FTO: variants seen among roughly 807,000 people sequenced by gnomAD.
The protein encoded by FTO is FTO alpha-ketoglutarate dependent dioxygenase.
In FTO, 47 loss-of-function variants were observed where a neutral mutation model predicts 63.9. The ratio of observed to expected loss-of-function variants is 0.74; its 90% CI spans 0.58 to 0.94. The LOEUF is 0.94. FTO is among the 40% of genes least tolerant of loss of function. FTO has a pLI of 0.00. For synonymous variants in FTO, 207 were observed against 224.4 expected, an observed-to-expected ratio of 0.92 and a Z score of 0.69; for missense variants, 562 against 618.1, an observed-to-expected ratio of 0.91 and a Z score of 0.96.
chr16:53,879,750 C>A, intron 5 of FTO, 94 bp from the exon 6 acceptor site: 22 of 1,238,020 alleles, frequency 1.8e-5, no homozygotes, highest in Middle Eastern at 2.0e-4. Flanking sequence ...CAGGTGAATT[C>A]ACAGCCAGGG....
intron 1 of FTO, among the ~76,000 whole-genome samples, chr16:53,733,597 A>G (rs1019440818): frequency 6.6e-6 from 1 of 152,180 alleles, no homozygotes; most frequent in Non-Finnish European, 1.5e-5. Context: ...AACTCTGGGA[A>G]AAAGTTGTAG....
chr16:53,941,375 A>C (rs1014368361), intron 8 of FTO, among the ~76,000 whole-genome samples: 49 of 152,326 alleles, frequency 3.2e-4, no homozygotes, highest in Admixed American at 2.2e-3. Flanking sequence ...GTGAAACCAT[A>C]AGGTAATTTA....
chr16:54,065,796 G>A (rs1165531494), intron 8 of FTO, among the ~76,000 whole-genome samples: 2 of 152,152 alleles, frequency 1.3e-5, no homozygotes, highest in Non-Finnish European at 2.9e-5. Flanking sequence ...AGGGATCATG[G>A]CACTGTGCCC....
At chr16:54,094,786 A>T (rs2086475388) in intron 8 of FTO, among the ~76,000 whole-genome samples, 2 of 152,190 alleles carry the variant, frequency 1.3e-5, no homozygotes, top group Admixed American at 1.3e-4. Context: ...GCTTCATCAA[A>T]CGAATACTGT....
At chr16:53,838,675 G>A (rs61222151) in intron 3 of FTO, among the ~76,000 whole-genome samples, 78,768 of 151,728 alleles carry the variant, frequency 0.52, 21,836 homozygotes, top group East Asian at 0.89. Context: ...AAATAGGGCT[G>A]TTTTTAACAA....
intron 8 of FTO, among the ~76,000 whole-genome samples, chr16:53,965,177 G>A (rs1463715530): frequency 3.3e-5 from 5 of 152,108 alleles, no homozygotes; most frequent in African/African-American, 9.7e-5. Context: ...GGGTTCAAGC[G>A]ATTCTCCTGC....
intron 8 of FTO, among the ~76,000 whole-genome samples, chr16:54,100,123 A>G (rs1599366957): frequency 6.6e-6 from 1 of 152,178 alleles, no homozygotes; most frequent in South Asian, 2.1e-4. Context: ...TAGGAAACTC[A>G]GTTTCTAACA....
At chr16:53,856,747 C>T (rs904140564) in intron 4 of FTO, among the ~76,000 whole-genome samples, 12 of 148,368 alleles carry the variant, frequency 8.1e-5, no homozygotes, top group Non-Finnish European at 1.3e-4. Flanking sequence ...CAGACTCCAT[C>T]TCAAAAAAAA....
intron 8 of FTO, among the ~76,000 whole-genome samples, chr16:54,049,870 C>T (rs956567531): frequency 4.6e-5 from 7 of 152,210 alleles, no homozygotes; most frequent in African/African-American, 1.7e-4. Context: ...AGTAGTTTGG[C>T]TTTGCATTCT....
At chr16:54,035,970 G>A (rs2084932942) in intron 8 of FTO, among the ~76,000 whole-genome samples, 1 of 152,144 alleles carries the variant, frequency 6.6e-6, no homozygotes, top group East Asian at 1.9e-4. Context: ...AGCAAACACA[G>A]TTATCACATG....
In FTO at chr16:54,112,723, A is replaced by T. The variant is rs1567580051; in HGVS notation, c.*808A>T. 1 of 152,366 alleles carries T rather than the reference A, an allele frequency of 6.6e-6. No individual in the cohort carries two copies. The highest frequency in any genetic ancestry group is 1.9e-4 in the East Asian group (1 of 5,186). The allele number at this position is 152,366 out of a possible 1,614,324, so 9.4% of individuals were successfully genotyped here. A position where few individuals can be genotyped will look rare whatever the true frequency, so the allele number is the denominator to read the frequency against. On this transcript the variant is annotated 3_prime_UTR_variant, in exon 9 of 9. Transcript: ENST00000471389. The stretch of plus-strand genomic sequence containing the variant: ...AGCACACGGGAAGGAGATGTTAATA[A>T]TTAAAATAAAGTTGATATCCTGTCT...
intron 1 of FTO, among the ~76,000 whole-genome samples, chr16:53,726,133 T>C (rs2076148059): frequency 6.6e-6 from 1 of 151,840 alleles, no homozygotes; most frequent in African/African-American, 2.4e-5. Flanking sequence ...ATTTGTGTCA[T>C]ATACTGGACT....
At chr16:53,711,180 T>C (rs1382906197) in intron 1 of FTO, among the ~76,000 whole-genome samples, 3 of 152,168 alleles carry the variant, frequency 2.0e-5, no homozygotes, top group African/African-American at 4.8e-5. Context: ...TATATATATG[T>C]ATTCTGATCC....
chr16:54,091,582 T>C (rs576152832), intron 8 of FTO, among the ~76,000 whole-genome samples: 2 of 152,266 alleles, frequency 1.3e-5, no homozygotes, highest in African/African-American at 4.8e-5. Flanking sequence ...GCATATTAGT[T>C]AGAGATACAG....
intron 2 of FTO, among the ~76,000 whole-genome samples, chr16:53,820,417 G>C (rs2078826189): frequency 6.6e-6 from 1 of 151,962 alleles, no homozygotes; most frequent in Non-Finnish European, 1.5e-5. Context: ...CAAAAGAGAA[G>C]TAAAGCGTGG....
At chr16:53,976,271 A>G (rs531681019) in intron 8 of FTO, among the ~76,000 whole-genome samples, 252 of 152,220 alleles carry the variant, frequency 1.7e-3, no homozygotes, top group Non-Finnish European at 3.3e-3. Flanking sequence ...TTCAGTGTTT[A>G]CCTATTTAAT....
At chr16:54,095,131 C>G (rs1379964374) in intron 8 of FTO, among the ~76,000 whole-genome samples, 1 of 152,176 alleles carries the variant, frequency 6.6e-6, no homozygotes, top group African/African-American at 2.4e-5. Context: ...TTTCAAACTC[C>G]TAAGCTCAAG....
intron 7 of FTO, among the ~76,000 whole-genome samples, chr16:53,932,466 G>A (rs2082307238): frequency 6.7e-6 from 1 of 149,758 alleles, no homozygotes; most frequent in Admixed American, 6.6e-5. Context: ...CTCAGCTCAT[G>A]CAAACTCCAT....
intron 7 of FTO, among the ~76,000 whole-genome samples, chr16:53,892,579 A>G (rs1311046969): frequency 6.6e-6 from 1 of 152,124 alleles, no homozygotes; most frequent in Admixed American, 6.6e-5. Context: ...ATTCTTTTTT[A>G]TCTTTATACT....
Sources: gnomAD v4.1 joint callset for allele counts (sites outside exome capture counted in the v4.1 genomes callset) on GRCh38, gnomAD v4.1.1 for gene constraint, MANE v1.5 for transcripts, NCBI Gene and HGNC (gene_info 2026-07-23, HGNC 2026-07-21) for gene names.